Variants in ZNF695 observed in about 807,000 individuals in gnomAD.
The protein encoded by ZNF695 is zinc finger protein 695.
ZNF695 carries 11 observed loss-of-function variants against 11.2 expected under a neutral mutation model. The ratio of observed to expected loss-of-function variants is 0.98; its 90% CI spans 0.62 to 1.62. The LOEUF (loss-of-function observed/expected upper bound fraction) is 1.62, where lower values mean the gene tolerates loss of function less well. ZNF695 is among the 40% of genes most tolerant of loss of function. The pLI, the probability that ZNF695 is intolerant of heterozygous loss-of-function variation, is 0.00. For synonymous variants in ZNF695, 190 were observed against 201.4 expected (o/e 0.94, Z 0.48); for missense variants, 559 against 590.5 (o/e 0.95, Z 0.55).
At chr1:246,946,968 C>A (rs1054894169) in intron 5 of ZNF695, among the ~76,000 whole-genome samples, 1 of 151,830 alleles carries the variant, frequency 6.6e-6, no homozygotes, top group Admixed American at 6.6e-5. Context: ...AGTGAAACCC[C>A]GTCTCTACAA....
chr1:246,985,963 A>G lies in ZNF695; in HGVS notation c.*1004T>C. 1 of 985,378 alleles carries G rather than the reference A, an allele frequency of 1.0e-6. No homozygotes were observed. The highest frequency in any genetic ancestry group is 1.2e-6 in the Non-Finnish European group (1 of 829,834). 61.0% of individuals were successfully genotyped at this position (985,378 alleles called of 1,614,324 possible). ...GGCCTCATGCCTTCACATAAACACT[A>G]GAAATGAAGGCATGGTATCAAGTGA... is the stretch of plus-strand genomic sequence containing the variant. On this transcript the variant is annotated 3_prime_UTR_variant, in exon 4 of 4. Coordinates refer to ENST00000339986, the MANE Select transcript of ZNF695 (RefSeq NM_020394.5).
At chr1:246,957,742 T>A (rs1668037119) in intron 5 of ZNF695, among the ~76,000 whole-genome samples, 1 of 151,850 alleles carries the variant, frequency 6.6e-6, no homozygotes, top group African/African-American at 2.4e-5. Flanking sequence ...CTCAGGTGAC[T>A]CCTACATTAG....
chr1:246,987,296 G>GT lies in ZNF695; in HGVS notation c.1218dup (p.Pro407ThrfsTer5). On this transcript the variant is annotated frameshift_variant, in exon 4 of 4. Transcript: ENST00000339986. LOFTEE classifies it low-confidence loss of function (END_TRUNC). ...TTGCCACATTCCTCACATTTGTAGG[G>GT]TTTCTGCCCAGTATGAATTCTCTTA... 3 of 1,613,666 alleles carry GT rather than the reference G, an allele frequency of 1.9e-6. No homozygotes were observed. Among genetic ancestry groups the GT allele is most frequent in the Non-Finnish European group, 2.5e-6 (3 of 1,179,916 alleles).
At chr1:246,976,238 G>C (rs1450733256) in intron 4 of ZNF695, among the ~76,000 whole-genome samples, 2 of 152,152 alleles carry the variant, frequency 1.3e-5, no homozygotes, top group Non-Finnish European at 2.9e-5. Flanking sequence ...GTGGCACACT[G>C]TCCACATGGG....
At chr1:246,992,613 T>G (rs1471430022) in intron 3 of ZNF695, among the ~76,000 whole-genome samples, 2 of 152,280 alleles carry the variant, frequency 1.3e-5, no homozygotes, top group African/African-American at 4.8e-5. Context: ...TTCCCTGATA[T>G]GCTTATTTTG....
At chr1:246,974,267 C>T (rs1425600290) in intron 4 of ZNF695, among the ~76,000 whole-genome samples, 1 of 152,110 alleles carries the variant, frequency 6.6e-6, no homozygotes, top group East Asian at 1.9e-4. Flanking sequence ...GAGCACCTTA[C>T]TATCAGTTAT....
At chr1:246,984,029 C>T (rs958454017), downstream of ZNF695, among the ~76,000 whole-genome samples, 1 of 150,238 alleles carries the variant, frequency 6.7e-6, no homozygotes, top group Non-Finnish European at 1.5e-5. Context: ...GTGCACACTT[C>T]TAGTCCCAGC....
At chr1:246,995,545 T>C (rs1290366135) in intron 3 of ZNF695, among the ~76,000 whole-genome samples, 1 of 152,098 alleles carries the variant, frequency 6.6e-6, no homozygotes, top group Admixed American at 6.6e-5. Context: ...TAAAATACAT[T>C]ATGGCCACGC....
intron 5 of ZNF695, among the ~76,000 whole-genome samples, chr1:246,949,048 A>G (rs750371328): frequency 6.6e-6 from 1 of 152,220 alleles, no homozygotes; most frequent in Non-Finnish European, 1.5e-5. Flanking sequence ...GAATATTTGC[A>G]TGATATTTAA....
chr1:246,981,023 A>G (rs902899502), downstream of ZNF695, among the ~76,000 whole-genome samples: 2 of 152,234 alleles, frequency 1.3e-5, no homozygotes, highest in African/African-American at 4.8e-5. Context: ...GTTAATATTG[A>G]AAATACATAA....
At chr1:246,976,540 A>AT (rs1668563058) in intron 4 of ZNF695, among the ~76,000 whole-genome samples, 1 of 152,012 alleles carries the variant, frequency 6.6e-6, no homozygotes, top group Admixed American at 6.6e-5. Context: ...CACACCTGTA[A>AT]TCCCAGCACT....
chr1:247,006,468 G>T (rs530173891), intron 1 of ZNF695, among the ~76,000 whole-genome samples: 1 of 151,960 alleles, frequency 6.6e-6, no homozygotes, highest in Non-Finnish European at 1.5e-5. Context: ...AAAATTAGCC[G>T]GGCATGGTGG....
intron 5 of ZNF695, among the ~76,000 whole-genome samples, chr1:246,946,274 T>C (rs888521421): frequency 6.6e-5 from 10 of 152,204 alleles, no homozygotes; most frequent in Admixed American, 4.6e-4. Flanking sequence ...GCGTCTTCTA[T>C]CTACACCATG....
intron 4 of ZNF695, among the ~76,000 whole-genome samples, chr1:246,971,714 C>G (rs985756030): frequency 6.6e-6 from 1 of 152,176 alleles, no homozygotes; most frequent in Non-Finnish European, 1.5e-5. Flanking sequence ...ATGCTAGAAA[C>G]TAATGATTAA....
Position 246,987,958 on chromosome 1 carries a change from C to A in ZNF695, c.557G>T (p.Cys186Phe). The stretch of plus-strand genomic sequence containing the variant: ...GCAAGAGACATTGCCACATTCTTTG[C>A]ATTTGAATGGTTTTTCTCCAGTATG... ...ISHTGEKPFK[C>F]KECGNVSCMS... is the part of the protein sequence containing the mutation. Residue 186 changes from cysteine (C) to phenylalanine (F), a missense_variant, in exon 4 of 4, where the codon TGC (cysteine) becomes TTC (phenylalanine). Cys to Phe is a radical substitution (Grantham distance 205). Transcript: ENST00000339986. 1.2e-6 allele frequency: 2 copies of A among 1,609,428 alleles called. No individual in the cohort carries two copies. The highest frequency in any genetic ancestry group is 1.7e-6 in the Non-Finnish European group (2 of 1,178,556).
At chr1:246,980,680 T>C (rs12048664), downstream of ZNF695, among the ~76,000 whole-genome samples, 80,376 of 151,968 alleles carry the variant, frequency 0.53, 25,301 homozygotes, top group East Asian at 0.97. Flanking sequence ...AGCCTCCCAA[T>C]GTGCTGGGAT....
rs530370620 is a variant in ZNF695 at position 247,000,799 on chromosome 1, G to A, written c.4-725C>T. Among the ~76,000 whole-genome samples the A allele has an allele frequency of 3.9e-5, 6 of 152,264 alleles. No homozygotes were observed. In the East Asian group the frequency reaches 5.8e-4, roughly 15 times the overall value. Reference sequence around the variant, plus strand: ...TCTTGTTAAAATGCAGGCACGGGCCGGGTGCAGTGACTAGTACACAGACCA... The same window carrying A: ...TCTTGTTAAAATGCAGGCACGGGCCAGGTGCAGTGACTAGTACACAGACCA... On this transcript the variant is annotated intron_variant, in intron 1 of 3. Transcript: ENST00000339986.
At chr1:246,953,359 A>G (rs1395761723) in intron 5 of ZNF695, among the ~76,000 whole-genome samples, 1 of 152,220 alleles carries the variant, frequency 6.6e-6, no homozygotes, top group Non-Finnish European at 1.5e-5. Context: ...CTGTAATCCC[A>G]GCACTTTAGG....
At chr1:247,003,006 T>C (rs770031990) in intron 1 of ZNF695, among the ~76,000 whole-genome samples, 1 of 152,204 alleles carries the variant, frequency 6.6e-6, no homozygotes, top group South Asian at 2.1e-4. Flanking sequence ...GGAATGCCTA[T>C]ACACTGCTGG....
Sources: allele counts gnomAD v4.1 joint callset (sites outside exome capture counted in the v4.1 genomes callset), GRCh38; gene constraint gnomAD v4.1.1; transcripts MANE v1.5; gene names NCBI Gene and HGNC (gene_info 2026-07-23, HGNC 2026-07-21).